Variants in PPP3CA observed in about 807,000 individuals in gnomAD.
PPP3CA encodes the protein CAM-PRP catalytic subunit.
Under a neutral mutation model 66.5 loss-of-function variants are expected in PPP3CA, and 14 were observed. That is an observed-to-expected ratio of 0.21 (90% confidence interval 0.14 to 0.33). PPP3CA has a LOEUF of 0.33. PPP3CA is among the 10% of genes least tolerant of loss of function. PPP3CA has a pLI of 1.00. For synonymous variants in PPP3CA, 232 were observed against 226.2 expected (o/e 1.03, Z -0.23); for missense variants, 317 against 639.5 (o/e 0.50, Z 5.44).
At chr4:101,278,644 G>T (rs1047858163) in intron 1 of PPP3CA, among the ~76,000 whole-genome samples, 1 of 152,230 alleles carries the variant, frequency 6.6e-6, no homozygotes, top group Non-Finnish European at 1.5e-5. Flanking sequence ...TCTGAGGTGT[G>T]TCGGCAATGT....
chr4:101,038,446 T>C (rs993244847), intron 11 of PPP3CA, among the ~76,000 whole-genome samples: 1 of 151,838 alleles, frequency 6.6e-6, no homozygotes, highest in Admixed American at 6.6e-5. Flanking sequence ...CTCGGCTTAC[T>C]GCAACCTCCG....
intron 1 of PPP3CA, among the ~76,000 whole-genome samples, chr4:101,320,439 C>A (rs1244303808): frequency 6.7e-6 from 1 of 149,746 alleles, no homozygotes; most frequent in African/African-American, 2.5e-5. Flanking sequence ...CACACACATA[C>A]ACAAAACCAC....
At chr4:101,217,026 C>T (rs1267867703) in intron 1 of PPP3CA, among the ~76,000 whole-genome samples, 3 of 152,072 alleles carry the variant, frequency 2.0e-5, no homozygotes, top group Non-Finnish European at 2.9e-5. Flanking sequence ...CAAAAAATTA[C>T]GTAAGTAAAA....
intron 2 of PPP3CA, among the ~76,000 whole-genome samples, chr4:101,155,890 A>C (rs1365447409): frequency 6.6e-6 from 1 of 152,244 alleles, no homozygotes; most frequent in African/African-American, 2.4e-5. Flanking sequence ...CAATAATATG[A>C]ATACGAATAA....
chr4:101,167,032 A>C (rs939707674), intron 2 of PPP3CA, among the ~76,000 whole-genome samples: 3 of 152,216 alleles, frequency 2.0e-5, no homozygotes, highest in African/African-American at 7.2e-5. Context: ...GAAGAAAGAC[A>C]GGTGAGAAAT....
intron 1 of PPP3CA, among the ~76,000 whole-genome samples, chr4:101,215,086 A>T (rs1278277989): frequency 6.6e-6 from 1 of 151,988 alleles, no homozygotes; most frequent in Non-Finnish European, 1.5e-5. Flanking sequence ...TTTGTCTGGT[A>T]TATATTCTCT....
chr4:101,090,833 G>C (rs1044272953), intron 6 of PPP3CA, among the ~76,000 whole-genome samples: 3 of 146,534 alleles, frequency 2.0e-5, no homozygotes, highest in Non-Finnish European at 4.5e-5. Flanking sequence ...GTAATATATA[G>C]ACATATCTGT....
At chr4:101,115,295 G>T (rs553891272) in intron 2 of PPP3CA, among the ~76,000 whole-genome samples, 2 of 152,036 alleles carry the variant, frequency 1.3e-5, no homozygotes, top group Admixed American at 1.3e-4. Flanking sequence ...AGGCCTTTGA[G>T]AATAGAATCT....
intron 1 of PPP3CA, among the ~76,000 whole-genome samples, chr4:101,339,985 G>C (rs773744030): frequency 6.6e-5 from 10 of 152,086 alleles, no homozygotes; most frequent in Non-Finnish European, 1.3e-4. Context: ...AAGACTCTAA[G>C]TCTAAGAATC....
intron 8 of PPP3CA, among the ~76,000 whole-genome samples, chr4:101,066,751 T>C (rs992990065): frequency 1.3e-5 from 2 of 152,122 alleles, no homozygotes; most frequent in African/African-American, 4.8e-5. Flanking sequence ...CGTTTCATCT[T>C]CCACCTCCCA....
At chr4:101,243,475 A>C (rs1726377299) in intron 1 of PPP3CA, among the ~76,000 whole-genome samples, 1 of 152,114 alleles carries the variant, frequency 6.6e-6, no homozygotes, top group Non-Finnish European at 1.5e-5. Flanking sequence ...TTAAATATAC[A>C]TAGGGAAAAA....
At chr4:101,294,783 C>A (rs571679045) in intron 1 of PPP3CA, among the ~76,000 whole-genome samples, 1 of 151,914 alleles carries the variant, frequency 6.6e-6, no homozygotes, top group East Asian at 1.9e-4. Context: ...TCACTAGATA[C>A]CAGCACTCTC....
At chr4:101,285,041 G>GA (rs965291652) in intron 1 of PPP3CA, among the ~76,000 whole-genome samples, 11 of 151,910 alleles carry the variant, frequency 7.2e-5, no homozygotes, top group Non-Finnish European at 1.3e-4. Context: ...ACAACAGCAA[G>GA]AAAACCACAC....
At chr4:101,128,548 G>T (rs926552405) in intron 2 of PPP3CA, among the ~76,000 whole-genome samples, 1 of 151,752 alleles carries the variant, frequency 6.6e-6, no homozygotes, top group Non-Finnish European at 1.5e-5. Context: ...TGAGGTACCC[G>T]GTTCATTTCA....
chr4:101,296,036 G>T (rs1483486356), intron 1 of PPP3CA, among the ~76,000 whole-genome samples: 1 of 151,788 alleles, frequency 6.6e-6, no homozygotes, highest in Non-Finnish European at 1.5e-5. Context: ...GTTTCTGAAG[G>T]AATATTACAG....
chr4:101,303,392 T>C, intron 1 of PPP3CA, among the ~76,000 whole-genome samples: 1 of 152,134 alleles, frequency 6.6e-6, no homozygotes, highest in East Asian at 1.9e-4. Flanking sequence ...CATTTTTGTA[T>C]TTTTTTCAGC....
intron 5 of PPP3CA, among the ~76,000 whole-genome samples, chr4:101,097,333 T>C (rs144748392): frequency 8.3e-4 from 126 of 152,216 alleles, no homozygotes; most frequent in African/African-American, 2.9e-3. Context: ...ATGGGATAAG[T>C]ACAAGCGTAT....
chr4:101,144,340 C>G (rs1249977518), intron 2 of PPP3CA, among the ~76,000 whole-genome samples: 1 of 152,182 alleles, frequency 6.6e-6, no homozygotes, highest in Non-Finnish European at 1.5e-5. Flanking sequence ...CCTTGACAAA[C>G]TCTCCAATCT....
At chr4:101,316,407 A>T (rs1728886661) in intron 1 of PPP3CA, among the ~76,000 whole-genome samples, 14 of 152,066 alleles carry the variant, frequency 9.2e-5, no homozygotes. Context: ...CAAATAAGTA[A>T]ATGTGGTTTT....
Sources: allele counts gnomAD v4.1 joint callset (sites outside exome capture counted in the v4.1 genomes callset), GRCh38; gene constraint gnomAD v4.1.1; transcripts MANE v1.5; gene names NCBI Gene and HGNC (gene_info 2026-07-23, HGNC 2026-07-21).